Variants in PCDH20 observed in about 807,000 individuals in gnomAD.
PCDH20 encodes the protein protocadherin 20, also known as protocadherin-20.
PCDH20 carries 18 observed loss-of-function variants against 39.7 expected under a neutral mutation model. That is an observed-to-expected ratio of 0.45 (90% CI 0.31 to 0.67). PCDH20 has a LOEUF of 0.67. PCDH20 is among the 30% of genes least tolerant of loss of function. The pLI is 0.05. For synonymous variants in PCDH20, 495 were observed against 455.4 expected (o/e 1.09, Z -1.11); for missense variants, 1,161 against 1,167.4 (o/e 0.99, Z 0.08).
exon 2 of PCDH20, chr13:61,411,260 C>T: frequency 1.9e-6 from 3 of 1,611,468 alleles, no homozygotes; most frequent in Non-Finnish European, 2.5e-6. Context: ...TTAGAAATAT[C>T]CATTGGCTTT....
exon 2 of PCDH20, chr13:61,412,690 T>C: frequency 9.3e-6 from 15 of 1,614,156 alleles, no homozygotes; most frequent in Non-Finnish European, 1.3e-5. Flanking sequence ...CCCTTCACCA[T>C]CCAGGTAGCA....
Position 61,413,668 on chromosome 13 carries a change from G to A in PCDH20, c.431C>T (p.Ala144Val), listed in dbSNP as rs1871468179. The change falls in exon 2 of 2, where the codon GCT becomes GTT. Residue 144 changes from alanine to valine, a missense_variant. Around this residue, in one of 3 missense-constraint regions of PCDH20, gnomAD observed 401 missense variants for 368.7 expected, o/e 1.09. Transcript: ENST00000409204. ...CAGGGCCTCCCTGTCGATCTCCTGAGCTGAAGTGTGCAGCTCCCCAGAGCG... is the reference window on the plus strand; with the variant it reads ...CAGGGCCTCCCTGTCGATCTCCTGAACTGAAGTGTGCAGCTCCCCAGAGCG... 3 of 1,614,008 alleles carry A rather than the reference G, an allele frequency of 1.9e-6. No homozygotes were observed. The African/African-American group carries it at 4.0e-5, about 22-fold the overall frequency.
At chr13:61,415,543 T>C (rs1327222150), upstream of PCDH20, 1 of 160,512 alleles carries the variant, frequency 6.2e-6, no homozygotes, top group Non-Finnish European at 1.4e-5. Flanking sequence ...TGCATTTGTA[T>C]ATGGATGTAA....
chr13:61,413,508 G>C (rs146205980), exon 2 of PCDH20: 2 of 1,613,762 alleles, frequency 1.2e-6, no homozygotes, highest in Non-Finnish European at 1.7e-6. Context: ...CTCTGATGGC[G>C]ATCTTCACCT....
exon 2 of PCDH20, chr13:61,411,591 T>C (rs1261201049): frequency 3.1e-6 from 5 of 1,614,098 alleles, no homozygotes; most frequent in Non-Finnish European, 4.2e-6. Flanking sequence ...TCACCATGAC[T>C]GTGGAGTGGA....
At chr13:61,414,061 T>A in intron 1 of PCDH20, 95 bp from the exon 2 acceptor site, 1 of 1,153,844 alleles carries the variant, frequency 8.7e-7, no homozygotes, top group Non-Finnish European at 1.2e-6. Context: ...GCTGTCCCCA[T>A]CCCCGTTCCC....
intron 1 of PCDH20, 25 bp downstream of exon 1, chr13:61,415,002 G>C: frequency 7.2e-7 from 1 of 1,394,502 alleles, no homozygotes; most frequent in Non-Finnish European, 9.4e-7. Flanking sequence ...TCGGGGTCGC[G>C]GGGTTCCTTG....
chr13:61,412,418 C>G, exon 2 of PCDH20: 1 of 1,614,178 alleles, frequency 6.2e-7, no homozygotes, highest in Non-Finnish European at 8.5e-7. Flanking sequence ...CTGTCGGCAT[C>G]TGTAGCATAC....
exon 2 of PCDH20, chr13:61,411,380 T>A (rs769499913): frequency 1.2e-6 from 2 of 1,614,116 alleles, no homozygotes; most frequent in Non-Finnish European, 1.7e-6. Flanking sequence ...TATATGCCCA[T>A]CCCTGTGACC....
At chr13:61,412,351 G>A (rs780270613) in exon 2 of PCDH20, 3 of 1,614,076 alleles carry the variant, frequency 1.9e-6, no homozygotes, top group Non-Finnish European at 2.5e-6. Flanking sequence ...ACTGTCTAAG[G>A]AAAAATATGA....
exon 2 of PCDH20, chr13:61,413,340 A>T (rs1447007612): frequency 6.2e-7 from 1 of 1,614,036 alleles, no homozygotes; most frequent in South Asian, 1.1e-5. Context: ...TGAACATACC[A>T]TGGTAGTCCA....
exon 1 of PCDH20, chr13:61,415,152 C>T: frequency 6.9e-7 from 1 of 1,447,072 alleles, no homozygotes; most frequent in Non-Finnish European, 9.2e-7. Flanking sequence ...TTCCCTCGGC[C>T]GCGCATTCCC....
At chr13:61,412,819 A>G (rs1593784482) in exon 2 of PCDH20, 1 of 1,614,088 alleles carries the variant, frequency 6.2e-7, no homozygotes, top group Non-Finnish European at 8.5e-7. Flanking sequence ...GTAACGAGGG[A>G]CAATTTCAGG....
chr13:61,415,137 G>A lies in PCDH20; in HGVS notation c.22C>T (p.Arg8Cys), dbSNP rs780765820. 5 of 1,483,320 alleles carry A rather than the reference G, an allele frequency of 3.4e-6. No individual in the cohort carries two copies. The Admixed American group carries it at 1.1e-4, about 33-fold the overall frequency. 91.9% of individuals were successfully genotyped at this position (1,483,320 alleles called of 1,614,324 possible). A position where few individuals can be genotyped will look rare whatever the true frequency, so the allele number is the denominator to read the frequency against. ...CTCACTCCCAGGGCCTGTGAGCTGC[G>A]CGCATTCCCTCGGCCGCGCATTCCC... Residue 8 changes from arginine to cysteine, a missense_variant, in exon 1 of 2, where the codon CGC becomes TGC. Physicochemically the swap from Arg to Cys is radical, Grantham distance 180. Transcript: ENST00000409204.
rs138810674 is a variant in PCDH20, at chr13:61,415,436, G to A, written c.-278C>T. On this transcript the variant is annotated 5_prime_UTR_variant, in exon 1 of 2. Transcript: ENST00000409204. The stretch of plus-strand genomic sequence containing the variant: ...AGGCAGCTCGGGGTTGGGCACAGTA[G>A]CGCTTACCTACCAGCCTCCTTCCTT... 1.6e-3 allele frequency: 526 copies of A among 323,742 alleles called. 3 individuals carry two copies. Among genetic ancestry groups the A allele is most frequent in the African/African-American group, 9.8e-3 (462 of 47,110 alleles). 20.1% of individuals were successfully genotyped at this position (323,742 alleles called of 1,614,324 possible).
exon 2 of PCDH20, chr13:61,411,909 A>T (rs1878253663): frequency 6.2e-7 from 1 of 1,614,022 alleles, no homozygotes; most frequent in Admixed American, 1.7e-5. Flanking sequence ...CTAGAAGGAG[A>T]ATTGTGATTT....
At chr13:61,414,044 G>A in intron 1 of PCDH20, 78 bp from the exon 2 acceptor site, 1 of 1,287,200 alleles carries the variant, frequency 7.8e-7, no homozygotes, top group East Asian at 2.5e-5. Context: ...GCGCCCCTGT[G>A]ATCCTTGCTG....
At position 61,413,615 on chromosome 13, in the gene PCDH20, A is replaced by C. The variant is rs764645339; in HGVS notation, c.484T>G (p.Trp162Gly). The C allele has an allele frequency of 4.3e-6, 7 of 1,614,094 alleles. No homozygotes were observed. In the South Asian group the frequency reaches 4.4e-5, roughly 10 times the overall value. ...GAGGAGATGGAAACGCTGCCGCTCC[A>C]CGCAGTCCCTCCACCCCCTTCAACA... Residue 162 changes from tryptophan (W) to glycine (G), a missense_variant, in exon 2 of 2, where the codon TGG becomes GGG. By Grantham distance (184) the Trp-to-Gly change is radical (BLOSUM62 -2). Transcript: ENST00000409204.
chr13:61,414,032 T>C (rs1566223736), intron 1 of PCDH20, 66 bp from the exon 2 acceptor site: 1 of 1,377,720 alleles, frequency 7.3e-7, no homozygotes, highest in Non-Finnish European at 9.9e-7. Context: ...AGAGAGAAAC[T>C]AGCGCCCCTG....
Sources: allele counts gnomAD v4.1 joint callset, GRCh38; gene constraint gnomAD v4.1.1; regional missense constraint gnomAD v4.1.1; transcripts MANE v1.5; gene names NCBI Gene and HGNC (gene_info 2026-07-23, HGNC 2026-07-21).